Variants in SNTG1 observed in about 807,000 individuals in gnomAD.
SNTG1 encodes gamma-1-syntrophin.
A neutral mutation model predicts 74.7 loss-of-function variants in SNTG1; 39 were observed. The observed-to-expected ratio is 0.52, with a 90% CI of 0.40 to 0.68. The LOEUF (loss-of-function observed/expected upper bound fraction) is 0.68. Ranked by LOEUF, SNTG1 falls within the 30% of genes least tolerant of loss-of-function variation. The probability of loss-of-function intolerance (pLI) is 0.00; values close to 1 mark genes in which losing one functional copy is unlikely to be tolerated. For missense variants in SNTG1, 685 were observed against 609.5 expected (o/e 1.12, Z -1.30); for synonymous variants, 254 against 217.1 (o/e 1.17, Z -1.49).
At chr8:49,972,864 A>G (rs1395949288) in intron 1 of SNTG1, among the ~76,000 whole-genome samples, 2 of 152,186 alleles carry the variant, frequency 1.3e-5, no homozygotes, top group Admixed American at 6.5e-5. Context: ...TCAGGAAACA[A>G]CAGGTGCTGG....
intron 17 of SNTG1, among the ~76,000 whole-genome samples, chr8:50,731,804 A>C (rs1014636256): frequency 6.6e-6 from 1 of 152,130 alleles, no homozygotes; most frequent in African/African-American, 2.4e-5. Flanking sequence ...TAAAAGAAAT[A>C]AGACTGCCAA....
chr8:50,258,009 T>A (rs758919282), intron 2 of SNTG1, among the ~76,000 whole-genome samples: 80 of 152,228 alleles, frequency 5.3e-4, no homozygotes, highest in Non-Finnish European at 9.8e-4. Flanking sequence ...TCCATTACTT[T>A]GTCCAAGGAA....
intron 2 of SNTG1, among the ~76,000 whole-genome samples, chr8:50,325,000 T>C (rs1040341265): frequency 3.4e-5 from 5 of 146,772 alleles, no homozygotes; most frequent in African/African-American, 1.2e-4. Flanking sequence ...ACTGTGTGTG[T>C]AATACACACA....
intron 12 of SNTG1, among the ~76,000 whole-genome samples, chr8:50,557,275 T>G (rs895276882): frequency 7.3e-5 from 11 of 151,256 alleles, no homozygotes; most frequent in Non-Finnish European, 1.2e-4. Context: ...TGTGGACTCC[T>G]GACATACAGA....
chr8:50,394,068 AT>A (rs2092697206), intron 2 of SNTG1, 143 bp from the exon 3 acceptor site: 3 of 528,012 alleles, frequency 5.7e-6, no homozygotes, highest in Non-Finnish European at 1.0e-5. Context: ...TCTCTTCAGT[AT>A]ACCCTGGAGC....
intron 4 of SNTG1, among the ~76,000 whole-genome samples, chr8:50,409,301 C>T (rs577188132): frequency 1.3e-5 from 2 of 152,300 alleles, no homozygotes; most frequent in East Asian, 3.9e-4. Context: ...ATATCCAACG[C>T]ATTTACTGTG....
At chr8:50,074,867 A>T (rs1300093039) in intron 1 of SNTG1, among the ~76,000 whole-genome samples, 1 of 152,118 alleles carries the variant, frequency 6.6e-6, no homozygotes, top group Non-Finnish European at 1.5e-5. Flanking sequence ...AAGGACAGGT[A>T]CCTGAGGGAA....
chr8:49,994,979 G>C lies in SNTG1; in HGVS notation c.-103+82748G>C, dbSNP rs185069776. 5.3e-4 allele frequency among the ~76,000 whole-genome samples: 79 copies of C among 147,968 alleles called. No individual in the cohort carries two copies. In the Middle Eastern group the frequency reaches 0.014, roughly 26 times the overall value. On this transcript the variant is annotated intron_variant, in intron 1 of 18. Coordinates refer to ENST00000642720, the MANE Select transcript of SNTG1 (RefSeq NM_018967.5). ...AGGAAAAAGGTGTAGTAATTGCATA[G>C]CCAAATCACCTCATAATTTAAATAA...
chr8:50,702,751 C>T (rs2095430448), intron 15 of SNTG1, among the ~76,000 whole-genome samples: 1 of 152,130 alleles, frequency 6.6e-6, no homozygotes, highest in Non-Finnish European at 1.5e-5. Context: ...GCTTGCACAA[C>T]CTGAGACAGC....
chr8:49,979,626 G>A, intron 1 of SNTG1, among the ~76,000 whole-genome samples: 1 of 152,090 alleles, frequency 6.6e-6, no homozygotes, highest in East Asian at 1.9e-4. Context: ...CACCTAGCTT[G>A]TCGTCGCGCT....
intron 1 of SNTG1, among the ~76,000 whole-genome samples, chr8:50,077,644 A>G (rs1219420292): frequency 1.3e-5 from 2 of 152,182 alleles, no homozygotes; most frequent in African/African-American, 2.4e-5. Flanking sequence ...AATTTATACT[A>G]TTGTCCAACC....
chr8:50,484,775 C>T (rs1240795098), intron 8 of SNTG1, among the ~76,000 whole-genome samples: 1 of 151,320 alleles, frequency 6.6e-6, no homozygotes, highest in Non-Finnish European at 1.5e-5. Flanking sequence ...AGGGGAATCG[C>T]TTGAACTCAG....
chr8:50,107,161 A>G (rs2080404017), intron 1 of SNTG1, among the ~76,000 whole-genome samples: 1 of 152,192 alleles, frequency 6.6e-6, no homozygotes, highest in African/African-American at 2.4e-5. Flanking sequence ...GTTTTCTTGA[A>G]TGCCCTTTTA....
intron 2 of SNTG1, among the ~76,000 whole-genome samples, chr8:50,323,107 GAA>G (rs77989339): frequency 0.17 from 11,152 of 65,988 alleles, 456 homozygotes; most frequent in South Asian, 0.2. Context: ...GACTTGTCTG[GAA>G]AAAAAAAAAA....
intron 15 of SNTG1, among the ~76,000 whole-genome samples, chr8:50,660,483 G>A (rs577914787): frequency 7.0e-6 from 1 of 142,540 alleles, no homozygotes; most frequent in African/African-American, 2.6e-5. Flanking sequence ...GCACAGAGGG[G>A]AGAAAGGAAA....
At chr8:50,098,889 G>A (rs2080025668) in intron 1 of SNTG1, among the ~76,000 whole-genome samples, 1 of 152,010 alleles carries the variant, frequency 6.6e-6, no homozygotes, top group Admixed American at 6.6e-5. Context: ...AAGAAGACAG[G>A]TACTCATTAC....
At chr8:50,614,315 A>G (rs2094871778) in intron 13 of SNTG1, among the ~76,000 whole-genome samples, 1 of 152,138 alleles carries the variant, frequency 6.6e-6, no homozygotes, top group Non-Finnish European at 1.5e-5. Flanking sequence ...ATAGAAAAGC[A>G]TTCAATATTA....
chr8:49,972,775 A>G (rs1331462216), intron 1 of SNTG1, among the ~76,000 whole-genome samples: 2 of 152,196 alleles, frequency 1.3e-5, no homozygotes, highest in East Asian at 3.9e-4. Context: ...GCTCATCATC[A>G]CTGGCCATCA....
At chr8:50,410,608 C>T (rs1473801594) in intron 4 of SNTG1, among the ~76,000 whole-genome samples, 1 of 152,086 alleles carries the variant, frequency 6.6e-6, no homozygotes, top group Non-Finnish European at 1.5e-5. Context: ...ATATATTAGA[C>T]CCTGAGATCT....
Sources: gnomAD v4.1 joint callset for allele counts (sites outside exome capture counted in the v4.1 genomes callset) on GRCh38, gnomAD v4.1.1 for gene constraint, MANE v1.5 for transcripts, NCBI Gene and HGNC (gene_info 2026-07-23, HGNC 2026-07-21) for gene names.